ZDHHC14: variants seen among roughly 807,000 people sequenced by gnomAD.
ZDHHC14 encodes the protein zDHHC palmitoyltransferase 14, also known as palmitoyltransferase ZDHHC14.
In ZDHHC14, 16 loss-of-function variants were observed where a neutral mutation model predicts 47.7. The ratio of observed to expected loss-of-function variants is 0.34; its 90% CI spans 0.23 to 0.51. ZDHHC14 has a LOEUF of 0.51. Among genes scored for constraint, ZDHHC14 ranks in the 20% least tolerant of loss-of-function variants. ZDHHC14 has a pLI of 0.97. For missense variants in ZDHHC14, 515 were observed against 662.5 expected (o/e 0.78, Z 2.44); for synonymous variants, 293 against 278.9 (o/e 1.05, Z -0.50).
intron 1 of ZDHHC14, among the ~76,000 whole-genome samples, chr6:157,445,989 T>C (rs758993971): frequency 3.3e-5 from 5 of 152,204 alleles, no homozygotes; most frequent in Non-Finnish European, 7.3e-5. Context: ...CAGTTGGTAG[T>C]GTGGGGTGCA....
chr6:157,486,072 A>G (rs1779772256), intron 1 of ZDHHC14, among the ~76,000 whole-genome samples: 1 of 152,200 alleles, frequency 6.6e-6, no homozygotes, highest in African/African-American at 2.4e-5. Flanking sequence ...TTTTGCACTT[A>G]GGCAATGAGG....
intron 8 of ZDHHC14, among the ~76,000 whole-genome samples, chr6:157,656,673 G>C (rs1168440286): frequency 2.7e-5 from 4 of 147,036 alleles, no homozygotes; most frequent in Non-Finnish European, 5.9e-5. Context: ...TAATCTGTGG[G>C]CTTGAGCACT....
intron 2 of ZDHHC14, among the ~76,000 whole-genome samples, chr6:157,592,330 G>A (rs947405366): frequency 2.0e-5 from 3 of 152,114 alleles, no homozygotes; most frequent in African/African-American, 7.2e-5. Flanking sequence ...ATGTAGAAAT[G>A]ATTTTCAAAA....
At chr6:157,619,414 T>G (rs1785094783) in intron 3 of ZDHHC14, among the ~76,000 whole-genome samples, 1 of 151,972 alleles carries the variant, frequency 6.6e-6, no homozygotes, top group Non-Finnish European at 1.5e-5. Context: ...AAAACAGAAT[T>G]TAAACAAACT....
At position 157,435,022 on chromosome 6, in the gene ZDHHC14, A is replaced by G. The variant is rs545876393; in HGVS notation, c.245+52756A>G. Among the ~76,000 whole-genome samples, 6 of 152,356 alleles carry G rather than the reference A, an allele frequency of 3.9e-5. No homozygotes were observed. In the South Asian group the frequency reaches 1.2e-3, roughly 32 times the overall value. On this transcript the variant is annotated intron_variant, in intron 1 of 8. Transcript: ENST00000359775. ...ACCTTTACACAAAGACATAATGCAGATTATTCAGACCATCGCTGAACACAG... is the reference window on the plus strand; with the variant it reads ...ACCTTTACACAAAGACATAATGCAGGTTATTCAGACCATCGCTGAACACAG...
At chr6:157,552,984 C>A (rs144529960) in intron 2 of ZDHHC14, among the ~76,000 whole-genome samples, 569 of 152,294 alleles carry the variant, frequency 3.7e-3, no homozygotes, top group African/African-American at 0.013. Flanking sequence ...TTCAGGGAGA[C>A]CATGCAGGGT....
intron 1 of ZDHHC14, among the ~76,000 whole-genome samples, chr6:157,464,738 C>T (rs1030415189): frequency 4.6e-5 from 7 of 152,208 alleles, no homozygotes; most frequent in Non-Finnish European, 5.9e-5. Flanking sequence ...CTACTATCTC[C>T]TGGTTCTGTG....
At chr6:157,663,222 G>A (rs1375704183) in intron 8 of ZDHHC14, among the ~76,000 whole-genome samples, 2 of 152,256 alleles carry the variant, frequency 1.3e-5, no homozygotes, top group South Asian at 2.1e-4. Context: ...CAAGCGCCAT[G>A]AGAACATCGG....
At chr6:157,494,175 C>T (rs1780000579) in intron 1 of ZDHHC14, among the ~76,000 whole-genome samples, 1 of 152,196 alleles carries the variant, frequency 6.6e-6, no homozygotes, top group Non-Finnish European at 1.5e-5. Flanking sequence ...CTCTGAGTTC[C>T]CTTTAAAGTC....
intron 1 of ZDHHC14, among the ~76,000 whole-genome samples, chr6:157,492,206 G>GCCCCCCCCCCCCC (rs954347593): frequency 1.2e-4 from 10 of 82,468 alleles, no homozygotes; most frequent in South Asian, 4.8e-4. Context: ...CTCCGCCCCC[G>GCCCCCCCCCCCCC]CCCCCCAGCC....
chr6:157,440,012 G>A (rs942577593), intron 1 of ZDHHC14, among the ~76,000 whole-genome samples: 1 of 152,108 alleles, frequency 6.6e-6, no homozygotes. Flanking sequence ...CCTCTTGGTG[G>A]GGTGTGGGAG....
intron 1 of ZDHHC14, among the ~76,000 whole-genome samples, chr6:157,389,058 A>T (rs1034473549): frequency 6.6e-6 from 1 of 152,124 alleles, no homozygotes; most frequent in Admixed American, 6.6e-5. Context: ...GTAGTCTTTT[A>T]AAAAATGCTA....
At chr6:157,441,364 C>G (rs1009374595) in intron 1 of ZDHHC14, among the ~76,000 whole-genome samples, 23 of 152,326 alleles carry the variant, frequency 1.5e-4, no homozygotes, top group African/African-American at 5.1e-4. Context: ...TTCTGTGAAT[C>G]TGGTTATTTG....
At chr6:157,633,725 C>T (rs553716084) in intron 5 of ZDHHC14, among the ~76,000 whole-genome samples, 3 of 152,338 alleles carry the variant, frequency 2.0e-5, no homozygotes, top group African/African-American at 7.2e-5. Flanking sequence ...CCATCACCCA[C>T]CCAGGCTGGA....
chr6:157,406,096 G>T (rs1777754684), intron 1 of ZDHHC14, among the ~76,000 whole-genome samples: 1 of 152,188 alleles, frequency 6.6e-6, no homozygotes, highest in Non-Finnish European at 1.5e-5. Flanking sequence ...AGCGGGAGAG[G>T]TAATGCATGA....
rs1776766114 is a variant in ZDHHC14, at chr6:157,632,845, A to G, written c.715A>G (p.Thr239Ala). The change falls in exon 5 of 9, where the codon ACA becomes GCA. Residue 239 changes from threonine to alanine, a missense_variant. Transcript: ENST00000359775. ...TTTCATTCCCACAGGTTCACAGCAA[A>G]CAGGATTCCTAAATGCCCTTAAGGA... ...ITHVILRSQQ[T>A]GFLNALKDSP... is the part of the protein sequence containing the mutation. The G allele has an allele frequency of 6.2e-7, 1 of 1,614,176 alleles. No homozygotes were observed.
chr6:157,673,090 G>C lies in ZDHHC14; in HGVS notation c.1435G>C (p.Val479Leu). The C allele has an allele frequency of 6.4e-7, 1 of 1,574,016 alleles. No homozygotes were observed. The highest frequency in any genetic ancestry group is 8.6e-7 in the Non-Finnish European group (1 of 1,168,328). Residue 479 changes from valine (V) to leucine (L), a missense_variant, in exon 9 of 9, where the codon GTG becomes CTG. Physicochemically the swap from Val to Leu is conservative, Grantham distance 32 (BLOSUM62 1). Coordinates refer to ENST00000359775, the MANE Select transcript of ZDHHC14 (RefSeq NM_024630.3). This position sits in a 1 kb window ranked among gnomAD's most constrained non-coding sequence, Gnocchi z 5.4. ...ASQDSLHEDSVRGLVKLSSV is the reference protein window; with the variant it reads ...ASQDSLHEDSLRGLVKLSSV ...CCAGGACTCCCTGCATGAGGACTCTGTGCGCGGCCTGGTGAAGCTCAGCTC... is the reference window on the plus strand; with the variant it reads ...CCAGGACTCCCTGCATGAGGACTCTCTGCGCGGCCTGGTGAAGCTCAGCTC...
At chr6:157,618,327 A>AT (rs112996332) in intron 3 of ZDHHC14, among the ~76,000 whole-genome samples, 5,236 of 146,784 alleles carry the variant, frequency 0.036, 162 homozygotes, top group African/African-American at 0.095. Flanking sequence ...CACATGACTG[A>AT]TTTTTTTTTT....
chr6:157,552,787 A>G (rs1196721918), intron 2 of ZDHHC14, among the ~76,000 whole-genome samples: 2 of 152,148 alleles, frequency 1.3e-5, no homozygotes, highest in African/African-American at 4.8e-5. Flanking sequence ...TAGCGGCCCC[A>G]GGAGCCTTCT....
Sources: allele counts gnomAD v4.1 joint callset (sites outside exome capture counted in the v4.1 genomes callset), GRCh38; gene constraint gnomAD v4.1.1; non-coding constraint Gnocchi (gnomAD v3.1); transcripts MANE v1.5; gene names NCBI Gene and HGNC (gene_info 2026-07-23, HGNC 2026-07-21).